The following FGD2 variants were observed in gnomAD, a reference collection of about 807,000 sequenced individuals.
FGD2 encodes the protein FYVE, RhoGEF and PH domain-containing protein 2.
A neutral mutation model predicts 75.9 loss-of-function variants in FGD2; 52 were observed. The ratio of observed to expected loss-of-function variants is 0.69; its 90% CI spans 0.55 to 0.86. FGD2 has a LOEUF of 0.86. Ranked by LOEUF, FGD2 falls within the 40% of genes least tolerant of loss-of-function variation. The probability of loss-of-function intolerance (pLI) is 0.00; values close to 1 mark genes in which losing one functional copy is unlikely to be tolerated. For missense variants in FGD2, 790 were observed against 872.0 expected (o/e 0.91, Z 1.18); for synonymous variants, 347 against 348.6 (o/e 1.00, Z 0.05).
At chr6:37,026,183 C>T (rs1765814474) in intron 14 of FGD2, 1 of 985,338 alleles carries the variant, frequency 1.0e-6, no homozygotes, top group African/African-American at 1.7e-5. Context: ...CATTCTTCTG[C>T]ACTTCCTCTA....
At chr6:37,012,558 A>G (rs1257395553) in intron 4 of FGD2, among the ~76,000 whole-genome samples, 4 of 152,168 alleles carry the variant, frequency 2.6e-5, no homozygotes, top group South Asian at 4.2e-4. Context: ...CCAAAAATAC[A>G]AAACTTAGCC....
At position 37,014,116 on chromosome 6, in the gene FGD2, G is replaced by T. The variant is rs1256051005; in HGVS notation, c.823+16G>T. 6.2e-7 allele frequency: 1 copy of T among 1,611,276 alleles called. No homozygotes were observed. The highest frequency in any genetic ancestry group is 1.7e-5 in the Admixed American group (1 of 59,542). On this transcript the variant is annotated intron_variant, in intron 6 of 15. Coordinates refer to ENST00000274963, the MANE Select transcript of FGD2 (RefSeq NM_173558.4). ...GATGCCCAGAGTGAGGACACCCCCA[G>T]GGGTCCCAGGGGGCTGAGGAGGCCT... is the stretch of plus-strand genomic sequence containing the variant.
At chr6:37,015,145 G>T in intron 8 of FGD2, 107 bp downstream of exon 8, 1 of 1,391,920 alleles carries the variant, frequency 7.2e-7, no homozygotes, top group East Asian at 2.4e-5. Context: ...AGGGGGACAG[G>T]GAAGAGAACG....
chr6:37,009,331 T>A, intron 2 of FGD2: 1 of 420,992 alleles, frequency 2.4e-6, no homozygotes, highest in Non-Finnish European at 4.3e-6. Context: ...TTTAAGGAAC[T>A]TATTCAAGGC....
Position 37,015,828 on chromosome 6 carries a change from G to A in FGD2, c.1090G>A (p.Val364Met). 2.5e-6 allele frequency: 4 copies of A among 1,593,614 alleles called. No homozygotes were observed. Among genetic ancestry groups the A allele is most frequent in the Non-Finnish European group, 3.4e-6 (4 of 1,170,928 alleles). Residue 364 changes from valine (V) to methionine (M), a missense_variant, in exon 9 of 16, where the codon GTG becomes ATG. By Grantham distance (21) the Val-to-Met change is conservative. Coordinates refer to ENST00000274963, the MANE Select transcript of FGD2 (RefSeq NM_173558.4). Reference sequence around the variant, plus strand: ...GATCCAGGTGGGCGCCCAGTTCCAGGTGAGGACCCGCATCGATGTGGCCGG... The same window carrying A: ...GATCCAGGTGGGCGCCCAGTTCCAGATGAGGACCCGCATCGATGTGGCCGG... ...RVIQVGAQFQ[V>M]RTRIDVAGMK...
rs779441825 is a variant in FGD2 at position 37,011,066 on chromosome 6, A to G, written c.378+16A>G. The G allele has an allele frequency of 2.5e-6, 4 of 1,612,404 alleles. No individual in the cohort carries two copies. The East Asian group carries it at 6.7e-5, about 27-fold the overall frequency. ...GCTAGACCAGGCCAGTGACCAGGAC[A>G]CCCCCCTCTAGAGCCCCAGCCCTGG... On this transcript the variant is annotated intron_variant, in intron 3 of 15. Transcript: ENST00000274963.
rs1167954931 is a variant in FGD2, at chr6:37,011,194, T to C, written c.378+144T>C. 12 of 726,308 alleles carry C rather than the reference T, an allele frequency of 1.7e-5. No individual in the cohort carries two copies. In the Admixed American group the frequency reaches 2.4e-4, roughly 14 times the overall value. The allele number at this position is 726,308 out of a possible 1,614,324, so 45.0% of individuals were successfully genotyped here. On this transcript the variant is annotated intron_variant, in intron 3 of 15. Coordinates refer to ENST00000274963, the MANE Select transcript of FGD2 (RefSeq NM_173558.4). ...GGAAGCCTTGGCCCTTTAACCTCAA[T>C]GGCTGGGGTTGGGGTAGAATCAGGA... is the stretch of plus-strand genomic sequence containing the variant.
At position 37,011,018 on chromosome 6, in the gene FGD2, G is replaced by A. The variant is rs1199425221; in HGVS notation, c.346G>A (p.Ala116Thr). 6.2e-7 allele frequency: 1 copy of A among 1,614,012 alleles called. No individual in the cohort carries two copies. The highest frequency in any genetic ancestry group is 8.5e-7 in the Non-Finnish European group (1 of 1,180,012). ...IVQELLETEQ[A>T]YVARLHLLDQ... is the part of the protein sequence containing the mutation. Reference sequence around the variant, plus strand: ...CCAGGAGCTGCTGGAGACAGAGCAGGCCTATGTGGCGCGCCTCCACCTGCT... The same window carrying A: ...CCAGGAGCTGCTGGAGACAGAGCAGACCTATGTGGCGCGCCTCCACCTGCT... The change falls in exon 3 of 16, where the codon GCC (alanine) becomes ACC (threonine). Residue 116 changes from alanine to threonine, a missense_variant. Transcript: ENST00000274963.
chr6:37,015,711 C>T (rs1765251403), intron 8 of FGD2, 57 bp from the exon 9 acceptor site: 3 of 1,506,582 alleles, frequency 2.0e-6, no homozygotes, highest in South Asian at 2.4e-5. Context: ...GGGGAAACCC[C>T]ACCTAGCCAT....
chr6:37,011,232 A>C (rs2150769611), intron 3 of FGD2, 182 bp downstream of exon 3: 1 of 629,020 alleles, frequency 1.6e-6, no homozygotes, highest in Non-Finnish European at 2.8e-6. Context: ...TCTTGTTAGC[A>C]GTACTCCCCA....
At chr6:37,019,281 A>G (rs912350674) in intron 9 of FGD2, among the ~76,000 whole-genome samples, 18 of 152,160 alleles carry the variant, frequency 1.2e-4, no homozygotes, top group Non-Finnish European at 2.5e-4. Flanking sequence ...ACAAAGAGGT[A>G]TTTGGCTCTT....
At chr6:37,006,690 A>G (rs952969972) in intron 1 of FGD2, among the ~76,000 whole-genome samples, 3 of 152,078 alleles carry the variant, frequency 2.0e-5, no homozygotes, top group Non-Finnish European at 4.4e-5. Flanking sequence ...TAAGCTCAGG[A>G]CTGTGTTAGG....
chr6:37,021,043 TTTGTGTGCATGC>T (rs1207204874), intron 11 of FGD2, among the ~76,000 whole-genome samples: 3 of 151,820 alleles, frequency 2.0e-5, no homozygotes, highest in Non-Finnish European at 4.4e-5. Flanking sequence ...TATATGTGTG[TTTGTGTGCATGC>T]ATGTGTGCAT....
chr6:37,014,253 T>C, intron 6 of FGD2, 153 bp downstream of exon 6: 1 of 950,868 alleles, frequency 1.1e-6, no homozygotes, highest in Non-Finnish European at 1.5e-6. Flanking sequence ...TTAGCCATTT[T>C]TCACAGATGA....
intron 2 of FGD2, 100 bp downstream of exon 2, chr6:37,009,165 C>G: frequency 8.4e-7 from 1 of 1,186,152 alleles, no homozygotes; most frequent in Non-Finnish European, 1.2e-6. Flanking sequence ...AGCAGTTCCC[C>G]AGGTGGGGGT....
At position 37,028,086 on chromosome 6, in the gene FGD2, C is replaced by A; in HGVS notation, c.1891C>A (p.Arg631Ser). The A allele has an allele frequency of 6.2e-7, 1 of 1,613,560 alleles. No individual in the cohort carries two copies. The change falls in exon 16 of 16, where the codon CGC becomes AGC. Residue 631 changes from arginine to serine, a missense_variant. Arg to Ser is a moderately radical substitution (Grantham distance 110, BLOSUM62 -1). Transcript: ENST00000274963. ...FKAETEELKG[R>S]WVKAMERAAS... is the part of the protein sequence containing the mutation. Reference sequence around the variant, plus strand: ...GGCCGAGACGGAGGAGCTGAAGGGCCGCTGGGTGAAGGCCATGGAGCGGGC... The same window carrying A: ...GGCCGAGACGGAGGAGCTGAAGGGCAGCTGGGTGAAGGCCATGGAGCGGGC...
At chr6:37,010,854 G>A (rs1764968646) in intron 2 of FGD2, 119 bp from the exon 3 acceptor site, 1 of 950,524 alleles carries the variant, frequency 1.1e-6, no homozygotes. Flanking sequence ...GGGAGGCCAT[G>A]AATCCCGGGA....
chr6:37,025,584 C>T (rs776326367), intron 13 of FGD2: 35 of 589,552 alleles, frequency 5.9e-5, no homozygotes, highest in East Asian at 4.0e-4. Context: ...GCCCCGAGCC[C>T]GAGCTCCCCC....
At chr6:37,020,847 A>G in intron 11 of FGD2, 108 bp downstream of exon 11, 1 of 1,465,382 alleles carries the variant, frequency 6.8e-7, no homozygotes, top group East Asian at 2.5e-5. Context: ...GATTCTCCCT[A>G]GCCTATTTGG....
Sources: gnomAD v4.1 joint callset for allele counts (sites outside exome capture counted in the v4.1 genomes callset) on GRCh38, gnomAD v4.1.1 for gene constraint, MANE v1.5 for transcripts, NCBI Gene and HGNC (gene_info 2026-07-23, HGNC 2026-07-21) for gene names.